Variants in EML1 observed in about 807,000 individuals in gnomAD.
EML1 encodes EMAP like 1, also known as echinoderm microtubule-associated protein-like 1.
EML1 carries 27 observed loss-of-function variants against 110.4 expected under a neutral mutation model. The observed-to-expected ratio is 0.24, with a 90% CI of 0.18 to 0.34. The LOEUF (loss-of-function observed/expected upper bound fraction) is 0.34, where lower values mean the gene tolerates loss of function less well. Among genes scored for constraint, EML1 ranks in the 10% least tolerant of loss-of-function variants. EML1 has a pLI of 1.00. For missense variants in EML1, 741 were observed against 1,030.9 expected, an observed-to-expected ratio of 0.72 and a Z score of 3.85; for synonymous variants, 344 against 385.8, an observed-to-expected ratio of 0.89 and a Z score of 1.27.
intron 15 of EML1, among the ~76,000 whole-genome samples, chr14:99,917,215 C>T (rs1047724827): frequency 1.3e-5 from 2 of 152,124 alleles, no homozygotes; most frequent in Non-Finnish European, 2.9e-5. Flanking sequence ...ATTTACCTGT[C>T]TTTCATCAGA....
intron 1 of EML1, among the ~76,000 whole-genome samples, chr14:99,744,613 G>C (rs183784041): frequency 6.6e-6 from 1 of 152,352 alleles, no homozygotes; most frequent in East Asian, 1.9e-4. Flanking sequence ...TGTGTGAGCT[G>C]TGGTCAACAG....
At chr14:99,909,212 T>G in intron 10 of EML1, 133 bp from the exon 11 acceptor site, 1 of 1,342,418 alleles carries the variant, frequency 7.4e-7, no homozygotes, top group Non-Finnish European at 1.1e-6. Context: ...ATGGATTCAA[T>G]GGGGGAAATA....
chr14:99,761,365 A>G (rs1181990913), intron 1 of EML1, among the ~76,000 whole-genome samples: 2 of 152,146 alleles, frequency 1.3e-5, no homozygotes, highest in African/African-American at 2.4e-5. Context: ...TTTGACAGAT[A>G]TGATGTTTTG....
intron 1 of EML1, among the ~76,000 whole-genome samples, chr14:99,787,070 T>A (rs78429563): frequency 0.014 from 2,056 of 152,206 alleles, 35 homozygotes; most frequent in African/African-American, 0.047. Flanking sequence ...TTGTCAGGGA[T>A]GTTGTAGAAG....
upstream of EML1, among the ~76,000 whole-genome samples, chr14:99,768,826 T>C (rs942610626): frequency 2.0e-4 from 30 of 151,970 alleles, no homozygotes; most frequent in African/African-American, 6.8e-4. Context: ...CAAGTGATTG[T>C]CCTGCCTCAG....
At chr14:99,808,118 C>G (rs570873558) in intron 1 of EML1, among the ~76,000 whole-genome samples, 4 of 152,210 alleles carry the variant, frequency 2.6e-5, no homozygotes, top group Middle Eastern at 3.4e-3. Context: ...TGATACATAC[C>G]CCTCTGATCA....
At chr14:99,810,731 A>G (rs2058060281) in intron 1 of EML1, among the ~76,000 whole-genome samples, 2 of 152,212 alleles carry the variant, frequency 1.3e-5, no homozygotes, top group South Asian at 2.1e-4. Flanking sequence ...GAAATAATCT[A>G]TGTGACTGCT....
At chr14:99,765,329 C>T (rs1269076847) in intron 1 of EML1, among the ~76,000 whole-genome samples, 2 of 152,066 alleles carry the variant, frequency 1.3e-5, no homozygotes, top group East Asian at 1.9e-4. Flanking sequence ...ATCTCCACAG[C>T]CCATTTCATC....
intron 9 of EML1, 26 bp from the exon 10 acceptor site, chr14:99,907,612 C>T: frequency 6.3e-7 from 1 of 1,594,682 alleles, no homozygotes; most frequent in Non-Finnish European, 8.6e-7. Context: ...CAGATATAGT[C>T]TTCCTGTGAA....
At chr14:99,887,725 G>A (rs1257043909) in intron 4 of EML1, among the ~76,000 whole-genome samples, 1 of 152,182 alleles carries the variant, frequency 6.6e-6, no homozygotes, top group Non-Finnish European at 1.5e-5. Context: ...AAATAGTGCT[G>A]GGTCTGAAGG....
At chr14:99,742,015 A>G (rs887912498) in intron 1 of EML1, among the ~76,000 whole-genome samples, 3 of 152,166 alleles carry the variant, frequency 2.0e-5, no homozygotes, top group Admixed American at 1.3e-4. Context: ...TGAGTGACCC[A>G]GGGCAGCCCT....
chr14:99,910,881 G>C (rs757206900), intron 12 of EML1, among the ~76,000 whole-genome samples: 4 of 152,064 alleles, frequency 2.6e-5, no homozygotes, highest in Non-Finnish European at 5.9e-5. Flanking sequence ...CCCGTGACAA[G>C]AAAAAAGGGA....
chr14:99,937,744 T>TG, intron 19 of EML1, 73 bp from the exon 20 acceptor site: 2 of 1,405,520 alleles, frequency 1.4e-6, no homozygotes, highest in Non-Finnish European at 2.0e-6. Context: ...GGCACAGCTC[T>TG]GGGGGCTCAG....
At chr14:99,856,423 T>G (rs2058902963) in intron 2 of EML1, among the ~76,000 whole-genome samples, 1 of 152,236 alleles carries the variant, frequency 6.6e-6, no homozygotes, top group South Asian at 2.1e-4. Context: ...TCACAAGTTT[T>G]ATTAGGTAGG....
intron 1 of EML1, among the ~76,000 whole-genome samples, chr14:99,802,285 A>G (rs1369863950): frequency 6.6e-6 from 1 of 152,138 alleles, no homozygotes; most frequent in African/African-American, 2.4e-5. Flanking sequence ...GGACATGGTA[A>G]GGAGTTTGGT....
intron 1 of EML1, among the ~76,000 whole-genome samples, chr14:99,751,714 C>A (rs1186603125): frequency 6.6e-6 from 1 of 152,108 alleles, no homozygotes; most frequent in African/African-American, 2.4e-5. Context: ...GCAGCTGGTG[C>A]AAAGGCCCTG....
chr14:99,868,389 A>G lies in EML1; in HGVS notation c.383+2743A>G, dbSNP rs74651632. 2.4e-3 allele frequency among the ~76,000 whole-genome samples: 370 copies of G among 152,244 alleles called. 6 individuals carry two copies. In the East Asian group the frequency reaches 0.061, roughly 25 times the overall value. On this transcript the variant is annotated intron_variant, in intron 3 of 21. Coordinates refer to ENST00000262233, the MANE Select transcript of EML1 (RefSeq NM_004434.3). The stretch of plus-strand genomic sequence containing the variant: ...TTGGAAGAGTTTAAGGAGCATTGGA[A>G]TTTATCCTTTTTTAAATGTTTGATA...
chr14:99,806,254 G>A (rs1293130429), intron 1 of EML1, among the ~76,000 whole-genome samples: 1 of 151,048 alleles, frequency 6.6e-6, no homozygotes, highest in Non-Finnish European at 1.5e-5. Context: ...TCACACCCAC[G>A]TGCATTACAA....
chr14:99,850,814 G>A, intron 1 of EML1, 39 bp from the exon 2 acceptor site: 1 of 1,597,550 alleles, frequency 6.3e-7, no homozygotes, highest in Non-Finnish European at 8.6e-7. Context: ...TGATTTCCGG[G>A]GAACACTTAA....
Sources: allele counts gnomAD v4.1 joint callset (sites outside exome capture counted in the v4.1 genomes callset), GRCh38; gene constraint gnomAD v4.1.1; transcripts MANE v1.5; gene names NCBI Gene and HGNC (gene_info 2026-07-23, HGNC 2026-07-21).